EIF4G3: variants seen among roughly 807,000 people sequenced by gnomAD.
The protein encoded by EIF4G3 is eIF-4-gamma 3.
Under a neutral mutation model 186.4 loss-of-function variants are expected in EIF4G3, and 34 were observed. The observed-to-expected ratio is 0.18, with a 90% CI of 0.14 to 0.24. The LOEUF (loss-of-function observed/expected upper bound fraction) is 0.24, where lower values mean the gene tolerates loss of function less well. Among genes scored for constraint, EIF4G3 ranks in the 10% least tolerant of loss-of-function variants. The probability of loss-of-function intolerance (pLI) is 1.00; values close to 1 mark genes in which losing one functional copy is unlikely to be tolerated. For missense variants in EIF4G3, 1,536 were observed against 1,948.5 expected, an observed-to-expected ratio of 0.79 and a Z score of 3.99; for synonymous variants, 673 against 679.5, an observed-to-expected ratio of 0.99 and a Z score of 0.15.
chr1:20,943,968 T>TG (rs1558362029), intron 13 of EIF4G3, among the ~76,000 whole-genome samples: 642 of 11,936 alleles, frequency 0.054, 41 homozygotes, highest in Middle Eastern at 0.091. Flanking sequence ...CTTGTCTTTA[T>TG]TTTTTTTGTG....
intron 4 of EIF4G3, among the ~76,000 whole-genome samples, chr1:21,026,451 CAGAG>C (rs1055890268): frequency 3.3e-5 from 5 of 150,536 alleles, no homozygotes; most frequent in Admixed American, 6.6e-5. Context: ...GAGAAGAAAT[CAGAG>C]AGAAAACGCT....
intron 2 of EIF4G3, among the ~76,000 whole-genome samples, chr1:21,109,011 A>G (rs2102077202): frequency 6.6e-6 from 1 of 151,846 alleles, no homozygotes; most frequent in South Asian, 2.1e-4. Context: ...TGAGGCAAAG[A>G]GTTTGAGGCC....
At chr1:20,814,929 C>T (rs969367444) in intron 34 of EIF4G3, among the ~76,000 whole-genome samples, 6 of 101,328 alleles carry the variant, frequency 5.9e-5, no homozygotes, top group South Asian at 4.5e-4. Flanking sequence ...ATTGCAGGCG[C>T]GCGCTGCCAC....
At position 20,969,477 on chromosome 1, in the gene EIF4G3, A is replaced by G; in HGVS notation, c.711T>C (p.Pro237=). ...IGRPTSTPTP[P]QQLPSQVPEH... is the part of the protein sequence containing the mutation. ...ATTACAGCTCACTCTGTCTTACCTG[A>G]GGAGGAGTAGGTGTGGACGTGGGTC... The change falls in exon 12 of 37, where the codon CCT becomes CCC. Residue 237 remains proline (P), a synonymous_variant. Transcript: ENST00000602326. The G allele has an allele frequency of 6.2e-7, 1 of 1,613,744 alleles. No individual in the cohort carries two copies. The highest frequency in any genetic ancestry group is 8.5e-7 in the Non-Finnish European group (1 of 1,179,742).
At chr1:20,903,955 AC>A (rs1292996359) in intron 15 of EIF4G3, among the ~76,000 whole-genome samples, 1 of 152,266 alleles carries the variant, frequency 6.6e-6, no homozygotes, top group Non-Finnish European at 1.5e-5. Context: ...ATACAGATTT[AC>A]ATTGCTCTTC....
At chr1:21,119,559 T>C (rs948349638) in intron 2 of EIF4G3, among the ~76,000 whole-genome samples, 2 of 152,136 alleles carry the variant, frequency 1.3e-5, no homozygotes, top group African/African-American at 4.8e-5. Context: ...AGGAAAAAGA[T>C]ACACAAAGAA....
intron 35 of EIF4G3, among the ~76,000 whole-genome samples, chr1:20,812,191 G>A (rs1039009662): frequency 6.6e-6 from 1 of 152,118 alleles, no homozygotes; most frequent in Non-Finnish European, 1.5e-5. Flanking sequence ...AAGAGGCTGA[G>A]GCGATAGGAT....
At chr1:20,877,222 G>C (rs986340790) in intron 20 of EIF4G3, among the ~76,000 whole-genome samples, 1 of 152,180 alleles carries the variant, frequency 6.6e-6, no homozygotes, top group Non-Finnish European at 1.5e-5. Flanking sequence ...CTGGGATCTA[G>C]TCCTAATTTT....
intron 14 of EIF4G3, among the ~76,000 whole-genome samples, chr1:20,940,966 G>A (rs535733470): frequency 7.0e-4 from 107 of 152,348 alleles, no homozygotes; most frequent in Non-Finnish European, 1.3e-3. Flanking sequence ...AAGCTTACCT[G>A]CAAGTGAATC....
rs397979515 is a variant in EIF4G3, at chr1:21,086,199, C to CTTTT, written c.-196+2935_-196+2938dup. Among the ~76,000 whole-genome samples the CTTTT allele has an allele frequency of 2.0e-3, 189 of 95,156 alleles. 2 individuals are homozygous for CTTTT. Among genetic ancestry groups the CTTTT allele is most frequent in the Non-Finnish European group, 2.2e-3 (118 of 52,556 alleles). 62.4% of individuals were successfully genotyped at this position (95,156 alleles called of 152,430 possible). A position where few individuals can be genotyped will look rare whatever the true frequency, so the allele number is the denominator to read the frequency against. ...AAATATCCATTACCTACATGATACTCTTTTTTTTTTTTTTTTTTTTTTGAG... is the reference window on the plus strand; with the variant it reads ...AAATATCCATTACCTACATGATACTCTTTTTTTTTTTTTTTTTTTTTTTTTTGAG... On this transcript the variant is annotated intron_variant, in intron 3 of 36. Coordinates refer to ENST00000602326, the MANE Select transcript of EIF4G3 (RefSeq NM_001391906.1).
chr1:20,927,401 C>T (rs567494758), intron 14 of EIF4G3, among the ~76,000 whole-genome samples: 14 of 152,308 alleles, frequency 9.2e-5, no homozygotes, highest in African/African-American at 3.1e-4. Context: ...ACCCTTGAAA[C>T]GACTATTTCT....
At chr1:20,854,824 T>C (rs2074419669) in intron 26 of EIF4G3, among the ~76,000 whole-genome samples, 154 bp downstream of exon 26, 1 of 152,042 alleles carries the variant, frequency 6.6e-6, no homozygotes, top group South Asian at 2.1e-4. Context: ...TGAGAAAGGA[T>C]CTATGTTGAA....
intron 4 of EIF4G3, among the ~76,000 whole-genome samples, chr1:21,009,899 CGCCTCG>C (rs2086480715): frequency 6.6e-6 from 1 of 151,418 alleles, no homozygotes; most frequent in Non-Finnish European, 1.5e-5. Context: ...GTGATCTGCC[CGCCTCG>C]GCCTCCCAAA....
intron 4 of EIF4G3, chr1:21,003,933 G>A (rs914773087): frequency 2.2e-5 from 4 of 179,770 alleles, no homozygotes; most frequent in Non-Finnish European, 3.5e-5. Context: ...TCATATACAC[G>A]ATTATGGCAG....
chr1:21,007,127 G>A lies in EIF4G3; in HGVS notation c.-66-4319C>T, dbSNP rs929284274. Among the ~76,000 whole-genome samples, 5 of 152,128 alleles carry A rather than the reference G, an allele frequency of 3.3e-5. 1 individual carries two copies. The highest frequency in any genetic ancestry group is 6.6e-5 in the Admixed American group (1 of 15,262). On this transcript the variant is annotated intron_variant, in intron 4 of 36. Coordinates refer to ENST00000602326, the MANE Select transcript of EIF4G3 (RefSeq NM_001391906.1). Reference sequence around the variant, plus strand: ...AAAGAGGTATAAGGTACCAGGTGTGGTGGCTCACGCCTGTAATCCCAGCAC... The same window carrying A: ...AAAGAGGTATAAGGTACCAGGTGTGATGGCTCACGCCTGTAATCCCAGCAC...
intron 20 of EIF4G3, among the ~76,000 whole-genome samples, chr1:20,865,711 A>G (rs2077412766): frequency 6.6e-6 from 1 of 152,158 alleles, no homozygotes; most frequent in African/African-American, 2.4e-5. Context: ...TGAGATCCTT[A>G]TTGTATTTAT....
At chr1:20,960,765 T>A (rs1450513015) in intron 12 of EIF4G3, among the ~76,000 whole-genome samples, 1 of 151,754 alleles carries the variant, frequency 6.6e-6, no homozygotes, top group Non-Finnish European at 1.5e-5. Context: ...CTCAAAAAAA[T>A]AAATGAAACA....
intron 13 of EIF4G3, among the ~76,000 whole-genome samples, chr1:20,945,308 AAGAAAAAAGG>A (rs1173584514): frequency 2.6e-5 from 4 of 152,226 alleles, no homozygotes; most frequent in African/African-American, 9.6e-5. Flanking sequence ...TTTATAATAC[AAGAAAAAAGG>A]AGAAAAAAGG....
intron 3 of EIF4G3, among the ~76,000 whole-genome samples, chr1:21,051,703 T>A (rs1003768802): frequency 1.3e-4 from 19 of 151,724 alleles, no homozygotes; most frequent in South Asian, 6.3e-4. Flanking sequence ...TAAAAAAAAA[T>A]TTTTTTTTCA....
Sources: allele counts gnomAD v4.1 joint callset (sites outside exome capture counted in the v4.1 genomes callset), GRCh38; gene constraint gnomAD v4.1.1; transcripts MANE v1.5; gene names NCBI Gene and HGNC (gene_info 2026-07-23, HGNC 2026-07-21).